Variants in PLPPR1 observed in about 807,000 individuals in gnomAD.
PLPPR1 encodes the protein phospholipid phosphatase related 1, also known as phospholipid phosphatase-related protein type 1.
Under a neutral mutation model 33.1 loss-of-function variants are expected in PLPPR1, and 10 were observed. The observed-to-expected ratio is 0.30, with a 90% CI of 0.19 to 0.51. The LOEUF (loss-of-function observed/expected upper bound fraction) is 0.51. Among genes scored for constraint, PLPPR1 ranks in the 20% least tolerant of loss-of-function variants. PLPPR1 has a pLI of 0.97. For missense variants in PLPPR1, 304 were observed against 408.1 expected, an observed-to-expected ratio of 0.74 and a Z score of 2.20; for synonymous variants, 151 against 151.0, an observed-to-expected ratio of 1.00 and a Z score of 0.00.
At chr9:101,087,778 A>G (rs1830696383) in intron 1 of PLPPR1, among the ~76,000 whole-genome samples, 1 of 152,218 alleles carries the variant, frequency 6.6e-6, no homozygotes, top group African/African-American at 2.4e-5. Flanking sequence ...GTTGCTAATC[A>G]TTGATCGTAA....
At chr9:101,039,922 TAA>T (rs36061660) in intron 1 of PLPPR1, among the ~76,000 whole-genome samples, 5,132 of 134,902 alleles carry the variant, frequency 0.038, 180 homozygotes, top group South Asian at 0.21. Context: ...TATTGCCTCC[TAA>T]AAAAAAAAAA....
chr9:101,115,197 C>A (rs1175732508), intron 1 of PLPPR1, among the ~76,000 whole-genome samples: 1 of 152,228 alleles, frequency 6.6e-6, no homozygotes, highest in Non-Finnish European at 1.5e-5. Flanking sequence ...GCCCCACTCA[C>A]TTCTGGAAGA....
intron 1 of PLPPR1, chr9:101,125,627 AT>A: frequency 1.8e-6 from 1 of 566,892 alleles, no homozygotes; most frequent in East Asian, 3.9e-5. Context: ...GTCATCCTCA[AT>A]TTCCTGGAAT....
At chr9:101,190,498 T>G (rs2118726945) in intron 2 of PLPPR1, among the ~76,000 whole-genome samples, 1 of 152,268 alleles carries the variant, frequency 6.6e-6, no homozygotes, top group Admixed American at 6.5e-5. Flanking sequence ...CTGCTCATAG[T>G]GGAATGCTGA....
At chr9:101,193,636 C>T (rs953817839) in intron 2 of PLPPR1, among the ~76,000 whole-genome samples, 1 of 151,910 alleles carries the variant, frequency 6.6e-6, no homozygotes, top group South Asian at 2.1e-4. Context: ...TTAAATACAC[C>T]ATATTTGACA....
chr9:101,098,265 T>C (rs73656142), intron 1 of PLPPR1, among the ~76,000 whole-genome samples: 1,581 of 152,164 alleles, frequency 0.01, 40 homozygotes, highest in African/African-American at 0.035. Flanking sequence ...TAAAATTCAA[T>C]AGCACTCGTG....
intron 2 of PLPPR1, among the ~76,000 whole-genome samples, chr9:101,242,728 A>T (rs540045020): frequency 6.6e-6 from 1 of 152,092 alleles, no homozygotes; most frequent in African/African-American, 2.4e-5. Flanking sequence ...TGATGCCACA[A>T]TATTCATGCA....
At chr9:101,292,481 C>T (rs377610944) in intron 4 of PLPPR1, among the ~76,000 whole-genome samples, 6 of 152,236 alleles carry the variant, frequency 3.9e-5, no homozygotes, top group East Asian at 1.9e-4. Context: ...CTCCAAGACA[C>T]ATAATTGTCA....
chr9:101,099,954 CTGA>C (rs1830876572), intron 1 of PLPPR1, among the ~76,000 whole-genome samples: 2 of 152,022 alleles, frequency 1.3e-5, no homozygotes, highest in Admixed American at 1.3e-4. Context: ...GATCCAGTCA[CTGA>C]TGATTATTTT....
At chr9:101,180,266 G>A (rs12377425) in intron 1 of PLPPR1, among the ~76,000 whole-genome samples, 90,475 of 147,976 alleles carry the variant, frequency 0.61, 28,611 homozygotes, top group African/African-American at 0.71. Context: ...ATGTCCCTCT[G>A]GAAAACCCTG....
In PLPPR1 at chr9:101,068,405, G is replaced by A. The variant is rs1174524759; in HGVS notation, c.-46+39303G>A. Reference sequence around the variant, plus strand: ...AGGGGCTTAAAAAAGCAGTATTTGGGAGCAGGGTTTTCATTCATCACTGAA... The same window carrying A: ...AGGGGCTTAAAAAAGCAGTATTTGGAAGCAGGGTTTTCATTCATCACTGAA... On this transcript the variant is annotated intron_variant, in intron 1 of 7. Coordinates refer to ENST00000374874, the MANE Select transcript of PLPPR1 (RefSeq NM_207299.2). Among the ~76,000 whole-genome samples the A allele has an allele frequency of 2.0e-5, 3 of 151,952 alleles. No individual in the cohort carries two copies. In the East Asian group the frequency reaches 5.8e-4, roughly 29 times the overall value.
In PLPPR1 at chr9:101,029,074, G is replaced by A. The variant is rs16919745; in HGVS notation, c.-74G>A. ...CCCGGGAGCCGGACGGCCCAGTAGG[G>A]CGCACTGGAGGACGCTCCGCTGCGG... On this transcript the variant is annotated 5_prime_UTR_variant, in exon 1 of 8. Transcript: ENST00000374874. 5,405 of 152,908 alleles carry A rather than the reference G, an allele frequency of 0.035. 300 individuals carry two copies. The highest frequency in any genetic ancestry group is 0.14 in the East Asian group (733 of 5,148). The allele number at this position is 152,908 out of a possible 1,614,324, so 9.5% of individuals were successfully genotyped here.
chr9:101,159,887 G>C (rs60117897), intron 1 of PLPPR1, among the ~76,000 whole-genome samples: 3 of 152,196 alleles, frequency 2.0e-5, no homozygotes, highest in Non-Finnish European at 1.5e-5. Flanking sequence ...CAGGGAGTGA[G>C]ACCTTTAGAG....
At position 101,324,229 on chromosome 9, in the gene PLPPR1, T is replaced by A. The variant is rs1215561702; in HGVS notation, c.*172T>A. On this transcript the variant is annotated 3_prime_UTR_variant, in exon 8 of 8. Transcript: ENST00000374874. ...AAGTGATGTAGCTTGCCCTGATTTT[T>A]TTTTTTTTTTTTTGGTCAGCTTTAA... 2.2e-5 allele frequency: 10 copies of A among 454,612 alleles called. No homozygotes were observed. The highest frequency in any genetic ancestry group is 3.4e-5 in the Non-Finnish European group (9 of 266,094). 28.2% of individuals were successfully genotyped at this position (454,612 alleles called of 1,614,324 possible). A position where few individuals can be genotyped will look rare whatever the true frequency, so the allele number is the denominator to read the frequency against.
chr9:101,203,153 C>T (rs933331427), intron 2 of PLPPR1, among the ~76,000 whole-genome samples: 1 of 152,180 alleles, frequency 6.6e-6, no homozygotes, highest in Non-Finnish European at 1.5e-5. Flanking sequence ...CCTCTAAATG[C>T]AGTGAGGCAG....
At chr9:101,056,570 A>T (rs1830280964) in intron 1 of PLPPR1, among the ~76,000 whole-genome samples, 2 of 152,210 alleles carry the variant, frequency 1.3e-5, no homozygotes, top group South Asian at 4.1e-4. Context: ...AAATTAGAAG[A>T]TGAATGGGTG....
chr9:101,260,551 TGA>T (rs1827880482), intron 2 of PLPPR1, among the ~76,000 whole-genome samples: 1 of 152,156 alleles, frequency 6.6e-6, no homozygotes, highest in South Asian at 2.1e-4. Flanking sequence ...AAGATGACAC[TGA>T]GATTTCTAGC....
intron 1 of PLPPR1, among the ~76,000 whole-genome samples, chr9:101,110,460 A>G (rs550478100): frequency 6.6e-6 from 1 of 152,314 alleles, no homozygotes; most frequent in South Asian, 2.1e-4. Flanking sequence ...TTTATTCTGA[A>G]ACATTTACAC....
At chr9:101,175,674 C>T (rs1826008639) in intron 1 of PLPPR1, among the ~76,000 whole-genome samples, 1 of 152,236 alleles carries the variant, frequency 6.6e-6, no homozygotes, top group South Asian at 2.1e-4. Flanking sequence ...GGATACCTGG[C>T]ATAATTTAAG....
Sources: gnomAD v4.1 joint callset for allele counts (sites outside exome capture counted in the v4.1 genomes callset) on GRCh38, gnomAD v4.1.1 for gene constraint, MANE v1.5 for transcripts, NCBI Gene and HGNC (gene_info 2026-07-23, HGNC 2026-07-21) for gene names.